Variants in ERC1 observed in about 807,000 individuals in gnomAD.
ERC1 encodes the protein ELKS/RAB6-interacting/CAST family member 1, also known as RAB6 interacting protein 2.
ERC1 carries 56 observed loss-of-function variants against 132.0 expected under a neutral mutation model. The observed-to-expected ratio is 0.42, with a 90% CI of 0.34 to 0.53. The LOEUF (loss-of-function observed/expected upper bound fraction) is 0.53. ERC1 is among the 20% of genes least tolerant of loss of function. The pLI, the probability that ERC1 is intolerant of heterozygous loss-of-function variation, is 0.03. For synonymous variants in ERC1, 478 were observed against 476.1 expected (o/e 1.00, Z -0.05); for missense variants, 1,202 against 1,349.9 (o/e 0.89, Z 1.72).
At chr12:1,486,730 ATCACTCCCGGCTGTGAAG>A (rs373882756) in intron 18 of ERC1, among the ~76,000 whole-genome samples, 6,428 of 152,118 alleles carry the variant, frequency 0.042, 449 homozygotes, top group African/African-American at 0.15. Flanking sequence ...CGGCTGTGAA[ATCACTCCCGGCTGTGAAG>A]CACTTTTTAA....
At chr12:1,304,779 CTTTTTTTTTTTTTTTTTT>C (rs1186965322) in intron 15 of ERC1, among the ~76,000 whole-genome samples, 8 of 70,072 alleles carry the variant, frequency 1.1e-4, no homozygotes, top group African/African-American at 4.1e-4. Context: ...TGTTGTAACT[CTTTTTTTTTTTTTTTTTT>C]TTTTTTTTTT....
Position 1,491,339 on chromosome 12 carries a change from CCTT to C in ERC1, c.*1115_*1117del. 1 of 231,414 alleles carries C rather than the reference CCTT, an allele frequency of 4.3e-6. No individual in the cohort carries two copies. The highest frequency in any genetic ancestry group is 8.6e-6 in the Non-Finnish European group (1 of 116,890). 14.3% of individuals were successfully genotyped at this position (231,414 alleles called of 1,614,324 possible). A position where few individuals can be genotyped will look rare whatever the true frequency, so the allele number is the denominator to read the frequency against. Reference sequence around the variant, plus strand: ...CCTCAGCCTCGTGCATTGCCTGGAACCTTCTTCTAGCATAAATGAAGGTTTTTC... The same window carrying C: ...CCTCAGCCTCGTGCATTGCCTGGAACCTTCTAGCATAAATGAAGGTTTTTC... On this transcript the variant is annotated 3_prime_UTR_variant, in exon 19 of 19. Coordinates refer to ENST00000360905, the MANE Select transcript of ERC1 (RefSeq NM_178040.4).
At chr12:1,113,403 C>T (rs1375145989) in intron 6 of ERC1, among the ~76,000 whole-genome samples, 1 of 152,196 alleles carries the variant, frequency 6.6e-6, no homozygotes, top group Non-Finnish European at 1.5e-5. Flanking sequence ...TAGTAAGAGG[C>T]AGGATTTGGT....
intron 13 of ERC1, among the ~76,000 whole-genome samples, chr12:1,240,109 T>C (rs1367227235): frequency 6.6e-6 from 1 of 152,186 alleles, no homozygotes; most frequent in Non-Finnish European, 1.5e-5. Flanking sequence ...TGGCCTAGGA[T>C]AGACAGTTTG....
intron 13 of ERC1, among the ~76,000 whole-genome samples, chr12:1,253,952 C>G (rs924612679): frequency 1.6e-4 from 24 of 152,164 alleles, no homozygotes; most frequent in Non-Finnish European, 8.8e-5. Context: ...TCTCCCTCTA[C>G]CAGACCCCTC....
chr12:1,001,304 T>C (rs903219277), intron 1 of ERC1, among the ~76,000 whole-genome samples: 2 of 152,178 alleles, frequency 1.3e-5, no homozygotes, highest in Non-Finnish European at 2.9e-5. Context: ...ATGATCCTCC[T>C]GTCTTGGCCT....
At chr12:1,264,118 A>G (rs895226784) in intron 14 of ERC1, among the ~76,000 whole-genome samples, 1 of 152,254 alleles carries the variant, frequency 6.6e-6, no homozygotes, top group African/African-American at 2.4e-5. Context: ...GTTAACAGTG[A>G]GTATGAAGGA....
intron 17 of ERC1, among the ~76,000 whole-genome samples, chr12:1,440,218 T>TC (rs1555094406): frequency 1.3e-4 from 19 of 143,702 alleles, no homozygotes; most frequent in African/African-American, 4.1e-4. Context: ...TTTTTTTTTT[T>TC]CCTTGAGACA....
chr12:1,040,735 G>A (rs886645303), intron 2 of ERC1, among the ~76,000 whole-genome samples: 1 of 151,710 alleles, frequency 6.6e-6, no homozygotes. Context: ...TCTTTTCTAC[G>A]TAATAGGCTT....
At chr12:1,268,507 G>A (rs193007930) in intron 14 of ERC1, among the ~76,000 whole-genome samples, 18 of 152,310 alleles carry the variant, frequency 1.2e-4, no homozygotes, top group African/African-American at 4.1e-4. Context: ...CCATGGTAGA[G>A]GTCTTAATAC....
chr12:1,203,122 A>G (rs1566235372), intron 12 of ERC1, among the ~76,000 whole-genome samples: 1 of 152,224 alleles, frequency 6.6e-6, no homozygotes, highest in Non-Finnish European at 1.5e-5. Context: ...CAGTGGCACA[A>G]TCTCGGCTCA....
intron 2 of ERC1, among the ~76,000 whole-genome samples, chr12:1,028,896 A>G (rs894213217): frequency 1.5e-4 from 21 of 142,306 alleles, no homozygotes; most frequent in Non-Finnish European, 2.6e-4. Context: ...ATTTTGCCAC[A>G]CTCTCTAATA....
intron 3 of ERC1, among the ~76,000 whole-genome samples, chr12:1,097,535 C>T (rs955281464): frequency 2.6e-5 from 4 of 152,018 alleles, no homozygotes; most frequent in African/African-American, 9.7e-5. Flanking sequence ...GGTAGTTACT[C>T]AACTCATGGC....
chr12:1,031,149 T>G (rs925855310), intron 2 of ERC1, among the ~76,000 whole-genome samples: 4 of 152,192 alleles, frequency 2.6e-5, no homozygotes, highest in Non-Finnish European at 5.9e-5. Flanking sequence ...CCAGACACAT[T>G]TTCAGCTATA....
intron 15 of ERC1, among the ~76,000 whole-genome samples, chr12:1,343,751 G>C (rs955549873): frequency 1.3e-5 from 2 of 152,096 alleles, no homozygotes; most frequent in African/African-American, 4.8e-5. Context: ...AGTGACTGCA[G>C]GACTTTCCTT....
Position 1,342,063 on chromosome 12 carries a change from T to C in ERC1, c.2781-29770T>C, listed in dbSNP as rs1021024947. ...AAATACACAAAACAGGAGATTATATTAATAATATACTATAATAATATAAAG... is the reference window on the plus strand; with the variant it reads ...AAATACACAAAACAGGAGATTATATCAATAATATACTATAATAATATAAAG... On this transcript the variant is annotated intron_variant, in intron 15 of 18. Coordinates refer to ENST00000360905, the MANE Select transcript of ERC1 (RefSeq NM_178040.4). 6.6e-5 allele frequency among the ~76,000 whole-genome samples: 10 copies of C among 152,016 alleles called. No individual in the cohort carries two copies. The East Asian group carries it at 1.5e-3, about 23-fold the overall frequency.
At chr12:1,450,041 C>G (rs575690562) in intron 18 of ERC1, among the ~76,000 whole-genome samples, 1 of 152,198 alleles carries the variant, frequency 6.6e-6, no homozygotes, top group African/African-American at 2.4e-5. Context: ...TAGTATACTT[C>G]TATTTCCTTT....
chr12:1,391,688 C>T (rs765114798), intron 16 of ERC1, among the ~76,000 whole-genome samples: 1 of 152,204 alleles, frequency 6.6e-6, no homozygotes. Flanking sequence ...GCCGCTTGGT[C>T]TTTACTGACA....
chr12:1,028,344 A>C lies in ERC1; in HGVS notation c.441A>C (p.Arg147Ser). ...TACCTCACTCCCTTCGTCAGGCGAG[A>C]GATAACACAATCATGGATCTGCAGA... ...STVPHSLRQA[R>S]DNTIMDLQTQ... The change falls in exon 2 of 19, where the codon AGA becomes AGC. Residue 147 changes from arginine (R) to serine (S), a missense_variant. Physicochemically the swap from Arg to Ser is moderately radical, Grantham distance 110. Transcript: ENST00000360905. 6.2e-7 allele frequency: 1 copy of C among 1,614,202 alleles called. No individual in the cohort carries two copies. Among genetic ancestry groups the C allele is most frequent in the Non-Finnish European group, 8.5e-7 (1 of 1,180,044 alleles).
Sources: gnomAD v4.1 joint callset for allele counts (sites outside exome capture counted in the v4.1 genomes callset) on GRCh38, gnomAD v4.1.1 for gene constraint, MANE v1.5 for transcripts, NCBI Gene and HGNC (gene_info 2026-07-23, HGNC 2026-07-21) for gene names.